Variants in LETM1 observed in about 807,000 individuals in gnomAD.
LETM1 encodes leucine zipper and EF-hand containing transmembrane protein 1.
In LETM1, 50 loss-of-function variants were observed where a neutral mutation model predicts 74.5. The observed-to-expected ratio is 0.67, with a 90% CI of 0.53 to 0.85. LETM1 has a LOEUF of 0.85. Ranked by LOEUF, LETM1 falls within the 40% of genes least tolerant of loss-of-function variation. The pLI is 0.00. For missense variants in LETM1, 824 were observed against 967.8 expected, an observed-to-expected ratio of 0.85 and a Z score of 1.97; for synonymous variants, 446 against 407.1, an observed-to-expected ratio of 1.10 and a Z score of -1.15.
chr4:1,828,508 AC>A (rs1163121053), intron 6 of LETM1, among the ~76,000 whole-genome samples: 248 of 8,516 alleles, frequency 0.029, 5 homozygotes, highest in Middle Eastern at 0.062. Flanking sequence ...AGGGGGGCTG[AC>A]CCCCCCCCCC....
intron 6 of LETM1, among the ~76,000 whole-genome samples, chr4:1,826,821 C>T (rs1261040147): frequency 6.6e-6 from 1 of 152,264 alleles, no homozygotes; most frequent in African/African-American, 2.4e-5. Context: ...CTCTGGTGGT[C>T]TGGAGTCTGT....
rs563036985 is a variant in LETM1 at position 1,847,409 on chromosome 4, A to G, written c.143+1740T>C. On this transcript the variant is annotated intron_variant, in intron 2 of 13. Transcript: ENST00000302787. ...TAATGACACTTCAGATACAATCCCA[A>G]AAAGACTGTTTTAGAAGTAAAATGG... Among the ~76,000 whole-genome samples the G allele has an allele frequency of 1.2e-4, 18 of 152,284 alleles. No homozygotes were observed. In the South Asian group the frequency reaches 2.3e-3, roughly 19 times the overall value.
At chr4:1,818,106 TG>T (rs1711634940) in intron 11 of LETM1, among the ~76,000 whole-genome samples, 1 of 152,034 alleles carries the variant, frequency 6.6e-6, no homozygotes, top group African/African-American at 2.4e-5. Context: ...AATTCCAAGT[TG>T]TTTTTTTCCC....
At chr4:1,817,245 C>CAAAAAAAA (rs60805612) in intron 11 of LETM1, among the ~76,000 whole-genome samples, 1 of 66,070 alleles carries the variant, frequency 1.5e-5, no homozygotes, top group African/African-American at 6.2e-5. Context: ...ACTCTGTCTC[C>CAAAAAAAA]AAAAAAAAAA....
Position 1,841,349 on chromosome 4 carries a change from G to A in LETM1, c.592C>T (p.Gln198Ter), listed in dbSNP as rs1430458028. Reference sequence around the variant, plus strand: ...AGGACTAGACATGTCCCCATTACCTGCCTGCGCTCCCGGCGGGTCAGGCTG... The same window carrying A: ...AGGACTAGACATGTCCCCATTACCTACCTGCGCTCCCGGCGGGTCAGGCTG... ...GHSLTRRERR[Q>*]FLRICADLFR... The change falls in exon 3 of 14, where the codon CAG becomes TAG. Residue 198 changes from glutamine (Q) to a stop codon, truncating the protein, a stop_gained and splice_region_variant. Coordinates refer to ENST00000302787, the MANE Select transcript of LETM1 (RefSeq NM_012318.3). LOFTEE classifies it high-confidence loss of function. The A allele has an allele frequency of 6.2e-7, 1 of 1,612,024 alleles. No homozygotes were observed. Among genetic ancestry groups the A allele is most frequent in the Non-Finnish European group, 8.5e-7 (1 of 1,178,392 alleles).
intron 5 of LETM1, 66 bp from the exon 6 acceptor site, chr4:1,833,013 C>A (rs191423200): frequency 1.9e-5 from 27 of 1,418,110 alleles, no homozygotes; most frequent in Middle Eastern, 2.5e-4. Context: ...CCACGACCAA[C>A]CACATTCCCA....
At chr4:1,822,153 TC>T in intron 10 of LETM1, 27 bp downstream of exon 10, 1 of 1,377,878 alleles carries the variant, frequency 7.3e-7, no homozygotes, top group Non-Finnish European at 9.5e-7. Context: ...CTCCTCAGCC[TC>T]CAGGGCCCCA....
At chr4:1,837,326 G>A (rs1712493480) in intron 3 of LETM1, among the ~76,000 whole-genome samples, 1 of 152,132 alleles carries the variant, frequency 6.6e-6, no homozygotes, top group South Asian at 2.1e-4. Context: ...CGCGCTCATT[G>A]AGCCAGCCTC....
chr4:1,826,508 C>G (rs1711991964), intron 6 of LETM1, among the ~76,000 whole-genome samples: 1 of 152,248 alleles, frequency 6.6e-6, no homozygotes, highest in South Asian at 2.1e-4. Flanking sequence ...TTCCCCAGCT[C>G]CCGGTGCTGC....
chr4:1,825,683 G>T lies in LETM1; in HGVS notation c.1081C>A (p.Leu361Met). ...CTGTCCACCCCTTCCTCAGCAATCA[G>T]CTAGAAAACAAAGCAGTGAATTATC... ...RLRSIKADDKLIAEEGVDSLN... is the reference protein window; with the variant it reads ...RLRSIKADDKMIAEEGVDSLN... The change falls in exon 7 of 14, where the codon CTG becomes ATG. Residue 361 changes from leucine (L) to methionine (M), a missense_variant and splice_region_variant. Physicochemically the swap from Leu to Met is conservative, Grantham distance 15. Transcript: ENST00000302787. 6.2e-7 allele frequency: 1 copy of T among 1,612,052 alleles called. No homozygotes were observed. The highest frequency in any genetic ancestry group is 8.5e-7 in the Non-Finnish European group (1 of 1,178,734).
chr4:1,844,432 T>C (rs553730341), intron 2 of LETM1, among the ~76,000 whole-genome samples: 1 of 152,306 alleles, frequency 6.6e-6, no homozygotes, highest in African/African-American at 2.4e-5. Flanking sequence ...CGATGTTCTC[T>C]TGGATCGAAA....
chr4:1,827,928 C>T (rs930670037), intron 6 of LETM1, among the ~76,000 whole-genome samples: 28 of 148,772 alleles, frequency 1.9e-4, no homozygotes, highest in African/African-American at 6.7e-4. Flanking sequence ...GGCTGACCCC[C>T]CAACCTCCCT....
chr4:1,841,471 ACC>A lies in LETM1; in HGVS notation c.468_469del (p.Val157AlafsTer48). On this transcript the variant is annotated frameshift_variant, in exon 3 of 14. Coordinates refer to ENST00000302787, the MANE Select transcript of LETM1 (RefSeq NM_012318.3). LOFTEE classifies it high-confidence loss of function. ...GTAGTAGTGCTTCAGCTCGTCCAGC[ACC>A]CGCTGCCCCAGGGACTTCTTCACCA... The A allele has an allele frequency of 1.2e-6, 2 of 1,614,200 alleles. No homozygotes were observed. Among genetic ancestry groups the A allele is most frequent in the Non-Finnish European group, 1.7e-6 (2 of 1,180,040 alleles).
In LETM1 at chr4:1,845,799, G is replaced by A. The variant is rs188052460; in HGVS notation, c.143+3350C>T. Among the ~76,000 whole-genome samples, 79 of 148,284 alleles carry A rather than the reference G, an allele frequency of 5.3e-4. No homozygotes were observed. In the East Asian group the frequency reaches 9.1e-3, roughly 17 times the overall value. On this transcript the variant is annotated intron_variant, in intron 2 of 13. Transcript: ENST00000302787. ...TAACCTCAAGTGATCTGCCCGCCTC[G>A]GATTACAGGCATGAGATTACAGGCA...
chr4:1,845,550 C>CTTTTTTTTTTT (rs756401146), intron 2 of LETM1, among the ~76,000 whole-genome samples: 8 of 130,236 alleles, frequency 6.1e-5, no homozygotes, highest in Non-Finnish European at 8.3e-5. Flanking sequence ...TTTTTTTTTT[C>CTTTTTTTTTTT]TTTTTTTTTT....
intron 6 of LETM1, among the ~76,000 whole-genome samples, chr4:1,826,985 C>T (rs900733845): frequency 2.0e-5 from 3 of 151,944 alleles, no homozygotes; most frequent in Non-Finnish European, 4.4e-5. Flanking sequence ...CCACTCGCAT[C>T]GTCGCCTCCA....
At chr4:1,824,851 C>T (rs545517948) in intron 7 of LETM1, among the ~76,000 whole-genome samples, 9 of 152,240 alleles carry the variant, frequency 5.9e-5, no homozygotes, top group African/African-American at 1.7e-4. Context: ...CGATGGAAGA[C>T]GCGGCTGTGG....
rs1712320778 is a variant in LETM1 at position 1,832,748 on chromosome 4, T to C, written c.1076A>G (p.Asp359Gly). 3.7e-6 allele frequency: 6 copies of C among 1,613,996 alleles called. No individual in the cohort carries two copies. Among genetic ancestry groups the C allele is most frequent in the Admixed American group, 1.7e-5 (1 of 60,004 alleles). The stretch of plus-strand genomic sequence containing the variant: ...GCGGAGTATGGCCAGGCTCACCTTG[T>C]CGTCTGCCTTTATGGAGCGCAGCCG... ...TMRLRSIKAD[D>G]KLIAEEGVDS... The change falls in exon 6 of 14, where the codon GAC (aspartate) becomes GGC (glycine). Residue 359 changes from aspartate to glycine, a missense_variant. Asp to Gly is a moderately conservative substitution (Grantham distance 94). This residue lies in a region of LETM1 where 269 missense variants were observed against 348.8 expected (regional missense o/e 0.77). Coordinates refer to ENST00000302787, the MANE Select transcript of LETM1 (RefSeq NM_012318.3).
intron 6 of LETM1, among the ~76,000 whole-genome samples, chr4:1,830,947 G>T (rs1177683851): frequency 6.6e-6 from 1 of 152,176 alleles, no homozygotes; most frequent in Non-Finnish European, 1.5e-5. Flanking sequence ...TGCAATTGAT[G>T]ATCTGGCATC....
Sources: gnomAD v4.1 joint callset for allele counts (sites outside exome capture counted in the v4.1 genomes callset) on GRCh38, gnomAD v4.1.1 for gene constraint, gnomAD v4.1.1 regional missense constraint, MANE v1.5 for transcripts, NCBI Gene and HGNC (gene_info 2026-07-23, HGNC 2026-07-21) for gene names.